NOX4: variants seen among roughly 807,000 people sequenced by gnomAD.
NOX4 encodes NADPH oxidase 4.
In NOX4, 69 loss-of-function variants were observed where a neutral mutation model predicts 87.6. The ratio of observed to expected loss-of-function variants is 0.79; its 90% CI spans 0.65 to 0.96. The LOEUF (loss-of-function observed/expected upper bound fraction) is 0.96, where lower values mean the gene tolerates loss of function less well. NOX4 is among the 40% of genes least tolerant of loss of function. The pLI is 0.00. For missense variants in NOX4, 680 were observed against 681.5 expected, an observed-to-expected ratio of 1.00 and a Z score of 0.02; for synonymous variants, 275 against 238.2, an observed-to-expected ratio of 1.15 and a Z score of -1.42.
chr11:89,451,908 G>A lies in NOX4; in HGVS notation c.154-13C>T, dbSNP rs1417109690. The A allele has an allele frequency of 1.9e-6, 3 of 1,570,640 alleles. No individual in the cohort carries two copies. Among genetic ancestry groups the A allele is most frequent in the Non-Finnish European group, 2.6e-6 (3 of 1,141,004 alleles). ...GACACAATCCTAGCTGAACAAATAA[G>A]GCAAGGTCAGCACACAGTTAAGGAC... On this transcript the variant is annotated splice_polypyrimidine_tract_variant and intron_variant, in intron 2 of 17. Transcript: ENST00000263317.
chr11:89,569,559 A>T, the NOX4 span, among the ~76,000 whole-genome samples: 3 of 152,194 alleles, frequency 2.0e-5, no homozygotes, highest in African/African-American at 7.2e-5. Context: ...TGCTGATGAG[A>T]TTAAGGAGAA....
chr11:89,506,589 T>G, the NOX4 span, among the ~76,000 whole-genome samples: 1 of 151,628 alleles, frequency 6.6e-6, no homozygotes, highest in Admixed American at 6.6e-5. Context: ...ATGTTAGAGG[T>G]CATTAAAGTA....
At chr11:89,581,701 A>C in the NOX4 span, among the ~76,000 whole-genome samples, 1 of 152,096 alleles carries the variant, frequency 6.6e-6, no homozygotes. Context: ...AAAAATACCC[A>C]CATTATTGAG....
intron 11 of NOX4, among the ~76,000 whole-genome samples, chr11:89,399,544 A>T (rs567828977): frequency 1.3e-4 from 19 of 147,828 alleles, no homozygotes; most frequent in African/African-American, 4.5e-4. Flanking sequence ...GCTCAATGAA[A>T]CTTCAAACAC....
intron 11 of NOX4, among the ~76,000 whole-genome samples, chr11:89,388,182 T>A (rs1399250755): frequency 6.6e-6 from 1 of 152,132 alleles, no homozygotes; most frequent in East Asian, 1.9e-4. Context: ...TCATAAACGA[T>A]CTATGTTTTT....
chr11:89,500,439 G>A (rs1014092174), upstream of NOX4, among the ~76,000 whole-genome samples: 4 of 152,122 alleles, frequency 2.6e-5, no homozygotes, highest in African/African-American at 9.7e-5. Context: ...CACATAGCCT[G>A]CAAGTTCTCC....
upstream of NOX4, among the ~76,000 whole-genome samples, chr11:89,496,218 G>A (rs117084671): frequency 9.9e-5 from 15 of 152,252 alleles, no homozygotes; most frequent in South Asian, 4.1e-4. Flanking sequence ...AATGTCTACC[G>A]TGCACCCACA....
chr11:89,446,860 A>T (rs2135375158), intron 4 of NOX4, among the ~76,000 whole-genome samples: 1 of 152,296 alleles, frequency 6.6e-6, no homozygotes, highest in Non-Finnish European at 1.5e-5. Flanking sequence ...CCTGATGTAA[A>T]GCATGGACTT....
chr11:89,402,371 C>T lies in NOX4; in HGVS notation c.801G>A (p.Val267=). The part of the protein sequence containing the change: ...KPAEFTQHKF[V]KICMEEPRFQ... The stretch of plus-strand genomic sequence containing the variant: ...ATCTGGGCTCTTCCATACAAATCTT[C>T]ACAAATTTGTGCTGGGTAAACTCTG... Residue 267 remains valine (V), a synonymous_variant, in exon 9 of 18, where the codon GTG becomes GTA. Transcript: ENST00000263317. 2 of 1,613,266 alleles carry T rather than the reference C, an allele frequency of 1.2e-6. No individual in the cohort carries two copies. The highest frequency in any genetic ancestry group is 1.7e-6 in the Non-Finnish European group (2 of 1,179,652).
At chr11:89,516,003 C>T in the NOX4 span, among the ~76,000 whole-genome samples, 2 of 152,098 alleles carry the variant, frequency 1.3e-5, no homozygotes, top group South Asian at 4.1e-4. Context: ...TTTGCATTGG[C>T]TTTTTGTTTG....
chr11:89,411,308 G>A (rs1257700296), intron 8 of NOX4, among the ~76,000 whole-genome samples: 1 of 152,154 alleles, frequency 6.6e-6, no homozygotes, highest in Non-Finnish European at 1.5e-5. Context: ...CCCAACTGTG[G>A]TTGTTATGGA....
At chr11:89,536,174 T>C in the NOX4 span, among the ~76,000 whole-genome samples, 1 of 136,556 alleles carries the variant, frequency 7.3e-6, no homozygotes, top group Non-Finnish European at 1.5e-5. Context: ...TGAGACGGAG[T>C]CTCGCTCTGT....
At chr11:89,386,833 G>T (rs1397684666) in intron 11 of NOX4, among the ~76,000 whole-genome samples, 2 of 151,732 alleles carry the variant, frequency 1.3e-5, no homozygotes, top group Non-Finnish European at 2.9e-5. Context: ...TCTCTAATTG[G>T]ATGTCCTGGG....
chr11:89,367,555 T>C (rs1329276614), intron 12 of NOX4, among the ~76,000 whole-genome samples: 1 of 152,068 alleles, frequency 6.6e-6, no homozygotes, highest in East Asian at 1.9e-4. Context: ...TTATTGGCTT[T>C]TTGCAGCAAT....
At chr11:89,441,236 A>G (rs1454729354) in intron 5 of NOX4, among the ~76,000 whole-genome samples, 1 of 152,206 alleles carries the variant, frequency 6.6e-6, no homozygotes, top group African/African-American at 2.4e-5. Flanking sequence ...AGGATACTCA[A>G]ATAAAAACCA....
At chr11:89,588,780 G>C in the NOX4 span, among the ~76,000 whole-genome samples, 1 of 152,136 alleles carries the variant, frequency 6.6e-6, no homozygotes, top group South Asian at 2.1e-4. Flanking sequence ...TGAATGAACT[G>C]AATCTGTAGG....
At chr11:89,352,822 T>C (rs1937663963) in intron 13 of NOX4, among the ~76,000 whole-genome samples, 1 of 152,190 alleles carries the variant, frequency 6.6e-6, no homozygotes. Context: ...TCATTTTTTG[T>C]TTTGTTTTGT....
intron 2 of NOX4, among the ~76,000 whole-genome samples, chr11:89,455,800 A>T (rs952948956): frequency 6.6e-6 from 1 of 151,288 alleles, no homozygotes. Flanking sequence ...TCTTACTCCC[A>T]CAATCTGTAG....
At chr11:89,395,629 G>A (rs1296574439) in intron 11 of NOX4, among the ~76,000 whole-genome samples, 1 of 152,042 alleles carries the variant, frequency 6.6e-6, no homozygotes, top group Non-Finnish European at 1.5e-5. Flanking sequence ...GGGATTTTAT[G>A]GTTTTAGGTC....
Sources: allele counts gnomAD v4.1 joint callset (sites outside exome capture counted in the v4.1 genomes callset), GRCh38; gene constraint gnomAD v4.1.1; transcripts MANE v1.5; gene names NCBI Gene and HGNC (gene_info 2026-07-23, HGNC 2026-07-21).